Variants in IL17RC observed in about 807,000 individuals in gnomAD.
The protein encoded by IL17RC is interleukin 17 receptor C, also known as interleukin-17 receptor C.
A neutral mutation model predicts 86.7 loss-of-function variants in IL17RC; 53 were observed. The ratio of observed to expected loss-of-function variants is 0.61; its 90% CI spans 0.49 to 0.77. The LOEUF is 0.77. Among genes scored for constraint, IL17RC ranks in the 30% least tolerant of loss-of-function variants. The pLI is 0.00. For synonymous variants in IL17RC, 439 were observed against 413.1 expected, an observed-to-expected ratio of 1.06 and a Z score of -0.76; for missense variants, 957 against 940.0, an observed-to-expected ratio of 1.02 and a Z score of -0.24.
At position 9,918,544 on chromosome 3, in the gene IL17RC, A is replaced by G. The variant is rs745806904; in HGVS notation, c.400A>G (p.Thr134Ala). The part of the protein sequence containing the change: ...QVVLSFQAYP[T>A]ARCVLLEVQV... Reference sequence around the variant, plus strand: ...CGTGCTCTCCTTCCAGGCCTACCCTACTGCCCGCTGCGTCCTGCTGGAGGT... The same window carrying G: ...CGTGCTCTCCTTCCAGGCCTACCCTGCTGCCCGCTGCGTCCTGCTGGAGGT... The change falls in exon 5 of 19, where the codon ACT becomes GCT. Residue 134 changes from threonine to alanine, a missense_variant. By Grantham distance (58) the Thr-to-Ala change is moderately conservative. Transcript: ENST00000403601. The G allele has an allele frequency of 2.4e-5, 39 of 1,614,018 alleles. No individual in the cohort carries two copies. The South Asian group carries it at 4.1e-4, about 17-fold the overall frequency.
rs889238442 is a variant in IL17RC, at chr3:9,928,695, G to C, written c.1110+65G>C. 2.6e-6 allele frequency: 4 copies of C among 1,544,024 alleles called. No individual in the cohort carries two copies. The Middle Eastern group carries it at 5.5e-4, about 213-fold the overall frequency. ...CTGGGCAGACCCCCCAGCCAAGGGG[G>C]TCTTAGTTCTTGGGCCGCTAAAGCA... is the stretch of plus-strand genomic sequence containing the variant. On this transcript the variant is annotated intron_variant, in intron 12 of 18. Coordinates refer to ENST00000403601, the MANE Select transcript of IL17RC (RefSeq NM_153460.4).
intron 5 of IL17RC, 130 bp downstream of exon 5, chr3:9,918,739 T>C (rs1293670327): frequency 1.5e-6 from 1 of 662,016 alleles, no homozygotes; most frequent in Admixed American, 2.4e-5. Flanking sequence ...TTACAGCCAG[T>C]GTTTTACAGG....
At chr3:9,919,594 C>T (rs1451139802) in intron 5 of IL17RC, among the ~76,000 whole-genome samples, 4 of 151,858 alleles carry the variant, frequency 2.6e-5, no homozygotes, top group East Asian at 1.9e-4. Context: ...TGCAGTGAGC[C>T]GAGATCGCGC....
At position 9,925,860 on chromosome 3, in the gene IL17RC, ATT is replaced by A. The variant is rs112277639; in HGVS notation, c.822+1584_822+1585del. On this transcript the variant is annotated intron_variant, in intron 9 of 18. Coordinates refer to ENST00000403601, the MANE Select transcript of IL17RC (RefSeq NM_153460.4). Reference sequence around the variant, plus strand: ...CACTTCATTTCTTTTATTTTCTTAAATTTTTTTTTTTTTTTTAGAGACAGCAT... The same window carrying A: ...CACTTCATTTCTTTTATTTTCTTAAATTTTTTTTTTTTTTAGAGACAGCAT... Among the ~76,000 whole-genome samples, 232 of 138,510 alleles carry A rather than the reference ATT, an allele frequency of 1.7e-3. 1 individual carries two copies. The highest frequency in any genetic ancestry group is 4.9e-3 in the African/African-American group (185 of 37,772). The allele number at this position is 138,510 out of a possible 152,430, so 90.9% of individuals were successfully genotyped here.
At position 9,917,419 on chromosome 3, in the gene IL17RC, C is replaced by A. The variant is rs746906866; in HGVS notation, c.104C>A (p.Pro35Gln). 6.2e-7 allele frequency: 1 copy of A among 1,614,154 alleles called. No individual in the cohort carries two copies. Among genetic ancestry groups the A allele is most frequent in the Admixed American group, 1.7e-5 (1 of 60,028 alleles). The change falls in exon 1 of 19, where the codon CCG (proline) becomes CAG (glutamine). Residue 35 changes from proline to glutamine, a missense_variant and splice_region_variant. Physicochemically the swap from Pro to Gln is moderately conservative, Grantham distance 76. Transcript: ENST00000403601. ...CCTCAGGACGCTACCCACTGCTCTC[C>A]GGTGAGTCTGGAACCCTGGGGAGAC... The part of the protein sequence containing the change: ...VGPQDATHCS[P>Q]GLSCRLWDSD...
chr3:9,932,769 G>T, intron 17 of IL17RC, 51 bp from the exon 18 acceptor site: 1 of 1,591,392 alleles, frequency 6.3e-7, no homozygotes. Context: ...GTTCTCCGAG[G>T]GAAAGCGGCG....
chr3:9,921,339 C>G (rs969309535), intron 7 of IL17RC, among the ~76,000 whole-genome samples: 1 of 152,020 alleles, frequency 6.6e-6, no homozygotes, highest in Non-Finnish European at 1.5e-5. Context: ...TTTGTGGTCC[C>G]AGCTACTCAG....
At position 9,917,279 on chromosome 3, in the gene IL17RC, A is replaced by G; in HGVS notation, c.-37A>G. 1.3e-6 allele frequency: 2 copies of G among 1,561,076 alleles called. No individual in the cohort carries two copies. Among genetic ancestry groups the G allele is most frequent in the Non-Finnish European group, 1.7e-6 (2 of 1,144,942 alleles). On this transcript the variant is annotated 5_prime_UTR_variant, in exon 1 of 19. Transcript: ENST00000403601. The stretch of plus-strand genomic sequence containing the variant: ...TGCCCCCCTTGGGGGGGGGCAGCAC[A>G]GGGCCTCAGGCCTGGGTGCCACCTG...
At position 9,933,584 on chromosome 3, in the gene IL17RC, C is replaced by T; in HGVS notation, c.2154C>T (p.Asp718=). 2.5e-6 allele frequency: 4 copies of T among 1,594,426 alleles called. No homozygotes were observed. Among genetic ancestry groups the T allele is most frequent in the Non-Finnish European group, 1.7e-6 (2 of 1,172,240 alleles). ...VGPGAGPGAG[D]GT ...CAGGCGCGGGACCTGGGGCGGGGGACGGGACTTAAATAAAGGCAGACGCTG... is the reference window on the plus strand; with the variant it reads ...CAGGCGCGGGACCTGGGGCGGGGGATGGGACTTAAATAAAGGCAGACGCTG... The change falls in exon 19 of 19, where the codon GAC becomes GAT. Residue 718 remains aspartate (D), a synonymous_variant. Coordinates refer to ENST00000403601, the MANE Select transcript of IL17RC (RefSeq NM_153460.4).
rs1289117993 is a variant in IL17RC, at chr3:9,930,897, A to G, written c.1341A>G (p.Leu447=). 2 of 1,614,000 alleles carry G rather than the reference A, an allele frequency of 1.2e-6. No individual in the cohort carries two copies. Among genetic ancestry groups the G allele is most frequent in the Non-Finnish European group, 8.5e-7 (1 of 1,179,850 alleles). Residue 447 remains leucine, a splice_region_variant and synonymous_variant, in exon 16 of 19, where the codon CTA becomes CTG. Transcript: ENST00000403601. This position sits in a 1 kb window ranked among gnomAD's most constrained non-coding sequence, Gnocchi z 5.8. ...QDLQSGQCLQ[L]WDDDLGALWA... ...TTGGTTCTGTTTGTATCTTACAGCTATGGGACGATGACTTGGGAGCGCTAT... is the reference window on the plus strand; with the variant it reads ...TTGGTTCTGTTTGTATCTTACAGCTGTGGGACGATGACTTGGGAGCGCTAT...
intron 16 of IL17RC, among the ~76,000 whole-genome samples, chr3:9,932,212 T>C (rs2084785363): frequency 6.6e-6 from 1 of 152,074 alleles, no homozygotes; most frequent in Non-Finnish European, 1.5e-5. Context: ...GGGCAAATCA[T>C]TTCTTCGTTT....
chr3:9,931,502 T>TATATATAC (rs1306971037), intron 16 of IL17RC, among the ~76,000 whole-genome samples: 29 of 145,216 alleles, frequency 2.0e-4, no homozygotes, highest in African/African-American at 6.2e-4. Flanking sequence ...TATATATATA[T>TATATATAC]ACTTATTTTT....
chr3:9,919,583 T>C (rs988433730), intron 5 of IL17RC, among the ~76,000 whole-genome samples: 8 of 151,950 alleles, frequency 5.3e-5, no homozygotes, highest in African/African-American at 9.7e-5. Flanking sequence ...GAGGTGGAGC[T>C]TGCAGTGAGC....
At chr3:9,920,284 G>C in intron 5 of IL17RC, 1 of 544,724 alleles carries the variant, frequency 1.8e-6, no homozygotes, top group Non-Finnish European at 3.3e-6. Context: ...TCCCGCCCTG[G>C]TGACACTCTT....
chr3:9,931,611 A>G (rs987299282), intron 16 of IL17RC, among the ~76,000 whole-genome samples: 6 of 151,244 alleles, frequency 4.0e-5, no homozygotes, highest in South Asian at 2.1e-4. Context: ...GGTTCAAGCA[A>G]TTCTCTACCT....
intron 9 of IL17RC, among the ~76,000 whole-genome samples, chr3:9,926,031 CTTTTTTTTTTT>C (rs5846649): frequency 3.3e-5 from 3 of 89,770 alleles, no homozygotes; most frequent in African/African-American, 1.4e-4. Flanking sequence ...TAATTGTTTC[CTTTTTTTTTTT>C]TTTTTTTTTT....
chr3:9,933,495 C>A lies in IL17RC; in HGVS notation c.2065C>A (p.Gln689Lys). 8 of 1,611,756 alleles carry A rather than the reference C, an allele frequency of 5.0e-6. No individual in the cohort carries two copies. The highest frequency in any genetic ancestry group is 5.9e-6 in the Non-Finnish European group (7 of 1,179,382). Residue 689 changes from glutamine (Q) to lysine (K), a missense_variant, in exon 19 of 19, where the codon CAG (glutamine) becomes AAG (lysine). By Grantham distance (53) the Gln-to-Lys change is moderately conservative. Coordinates refer to ENST00000403601, the MANE Select transcript of IL17RC (RefSeq NM_153460.4). ...AGCGGAGCAAGTGTCCCGGGCCCTTCAGCCAGCCCTGGATAGCTACTTCCA... is the reference window on the plus strand; with the variant it reads ...AGCGGAGCAAGTGTCCCGGGCCCTTAAGCCAGCCCTGGATAGCTACTTCCA... The part of the protein sequence containing the change: ...ERAEQVSRAL[Q>K]PALDSYFHPP...
rs1575535676 is a variant in IL17RC, at chr3:9,920,854, G to T, written c.578-71G>T. The T allele has an allele frequency of 2.0e-5, 28 of 1,387,988 alleles. No individual in the cohort carries two copies. In the East Asian group the frequency reaches 6.1e-4, roughly 30 times the overall value. 86.0% of individuals were successfully genotyped at this position (1,387,988 alleles called of 1,614,324 possible). ...GGAGCCATTCCTAATGCCCCCCTGGGAGCCAAATTGCCCCCACTTCTTTCC... is the reference window on the plus strand; with the variant it reads ...GGAGCCATTCCTAATGCCCCCCTGGTAGCCAAATTGCCCCCACTTCTTTCC... On this transcript the variant is annotated intron_variant, in intron 6 of 18. Transcript: ENST00000403601.
chr3:9,928,275 G>A, intron 10 of IL17RC, 30 bp from the exon 11 acceptor site: 2 of 1,613,166 alleles, frequency 1.2e-6, no homozygotes, highest in Non-Finnish European at 1.7e-6. Context: ...TGGGTACCTG[G>A]CCTGCGGTGA....
Sources: gnomAD v4.1 joint callset for allele counts (sites outside exome capture counted in the v4.1 genomes callset) on GRCh38, gnomAD v4.1.1 for gene constraint, Gnocchi (gnomAD v3.1) non-coding constraint, MANE v1.5 for transcripts, NCBI Gene and HGNC (gene_info 2026-07-23, HGNC 2026-07-21) for gene names.